The following NMNAT3 variants were observed in gnomAD, a reference collection of about 807,000 sequenced individuals.
The protein encoded by NMNAT3 is nicotinamide/nicotinic acid mononucleotide adenylyltransferase 3.
A neutral mutation model predicts 24.8 loss-of-function variants in NMNAT3; 21 were observed. The observed-to-expected ratio is 0.85, with a 90% CI of 0.60 to 1.22. The LOEUF is 1.22. Ranked by LOEUF, NMNAT3 falls within the 50% of genes most tolerant of loss-of-function variation. The pLI, the probability that NMNAT3 is intolerant of heterozygous loss-of-function variation, is 0.00. For missense variants in NMNAT3, 387 were observed against 436.6 expected (o/e 0.89, Z 1.01); for synonymous variants, 136 against 155.2 (o/e 0.88, Z 0.92).
chr3:139,569,365 G>A (rs1057439951), intron 6 of NMNAT3: 9 of 152,184 alleles, frequency 5.9e-5, no homozygotes, highest in African/African-American at 2.2e-4. Flanking sequence ...ATTGTTATGT[G>A]TGAATTTGAT....
chr3:139,579,076 G>C (rs369545555), intron 4 of NMNAT3, 21 bp from the exon 5 acceptor site: 46 of 1,604,926 alleles, frequency 2.9e-5, no homozygotes, highest in Non-Finnish European at 3.8e-5. Flanking sequence ...GAGAGCAGTG[G>C]TGTTGCACAT....
chr3:139,613,813 T>G (rs1576648310), intron 3 of NMNAT3, among the ~76,000 whole-genome samples: 3 of 152,014 alleles, frequency 2.0e-5, no homozygotes, highest in Admixed American at 6.6e-5. Flanking sequence ...CCATAAAAAA[T>G]GATGAGTTCA....
At chr3:139,642,548 C>T (rs1482758929) in intron 1 of NMNAT3, among the ~76,000 whole-genome samples, 1 of 152,192 alleles carries the variant, frequency 6.6e-6, no homozygotes, top group African/African-American at 2.4e-5. Context: ...TTCAGAAACA[C>T]TTTTGAATGA....
intron 6 of NMNAT3, among the ~76,000 whole-genome samples, chr3:139,562,304 T>C (rs1936519774): frequency 6.6e-6 from 1 of 152,134 alleles, no homozygotes; most frequent in African/African-American, 2.4e-5. Context: ...CTGGTGGAAA[T>C]CTGTACCTGC....
At chr3:139,567,874 T>G (rs1182230251) in intron 6 of NMNAT3, 4 of 152,160 alleles carry the variant, frequency 2.6e-5, no homozygotes, top group African/African-American at 9.7e-5. Context: ...TTAGGGAGGA[T>G]TCCCTCTTTT....
intron 1 of NMNAT3, among the ~76,000 whole-genome samples, chr3:139,645,411 T>A (rs868816694): frequency 6.6e-6 from 1 of 152,160 alleles, no homozygotes; most frequent in South Asian, 2.1e-4. Context: ...TTGTCTCTCA[T>A]AAAATGAAGA....
At chr3:139,564,554 C>A (rs1483416385) in intron 6 of NMNAT3, among the ~76,000 whole-genome samples, 2 of 152,170 alleles carry the variant, frequency 1.3e-5, no homozygotes, top group African/African-American at 2.4e-5. Context: ...GTGTCACACC[C>A]AAGCAGCCCA....
At chr3:139,575,454 C>G (rs1939155768) in intron 5 of NMNAT3, 1 of 273,148 alleles carries the variant, frequency 3.7e-6, no homozygotes, top group Non-Finnish European at 5.6e-6. Flanking sequence ...TCTCCATGTC[C>G]TTATATATAA....
At chr3:139,596,453 C>T (rs932539979) in intron 3 of NMNAT3, among the ~76,000 whole-genome samples, 1 of 151,916 alleles carries the variant, frequency 6.6e-6, no homozygotes, top group Admixed American at 6.6e-5. Flanking sequence ...ACTTAAGTGA[C>T]TATGTTGTTT....
At position 139,596,924 on chromosome 3, in the gene NMNAT3, A is replaced by ATG. The variant is rs1559890738; in HGVS notation, c.110-13717_110-13716insCA. 2.7e-3 allele frequency among the ~76,000 whole-genome samples: 46 copies of ATG among 16,954 alleles called. 1 individual carries two copies. The highest frequency in any genetic ancestry group is 5.4e-3 in the Non-Finnish European group (40 of 7,392). 11.1% of individuals were successfully genotyped at this position (16,954 alleles called of 152,430 possible). A position where few individuals can be genotyped will look rare whatever the true frequency, so the allele number is the denominator to read the frequency against. On this transcript the variant is annotated intron_variant, in intron 3 of 6. Coordinates refer to ENST00000643695, the MANE Select transcript of NMNAT3 (RefSeq NM_001320510.2). ...ATATTTTTGTCATGTGTGTATATAT[A>ATG]TATATATATATATATATATATATAT...
intron 1 of NMNAT3, among the ~76,000 whole-genome samples, chr3:139,647,965 T>C (rs1323519848): frequency 6.6e-6 from 1 of 152,214 alleles, no homozygotes; most frequent in Non-Finnish European, 1.5e-5. Context: ...GGTTCTTTGA[T>C]GATATTTGGC....
At chr3:139,634,294 G>C (rs558870256) in intron 2 of NMNAT3, 1 of 152,364 alleles carries the variant, frequency 6.6e-6, no homozygotes, top group South Asian at 2.1e-4. Context: ...CCAGGCCCGG[G>C]AAAGTGGCTG....
chr3:139,609,588 A>G (rs1319060291), intron 3 of NMNAT3: 1 of 120,912 alleles, frequency 8.3e-6, no homozygotes, highest in East Asian at 2.5e-4. Context: ...GTGTTTTGTT[A>G]AATTTTTAAA....
At chr3:139,603,457 CT>C (rs2054802224) in intron 3 of NMNAT3, among the ~76,000 whole-genome samples, 1 of 152,190 alleles carries the variant, frequency 6.6e-6, no homozygotes, top group African/African-American at 2.4e-5. Context: ...CAACTTCCTG[CT>C]TCTGAAATTC....
chr3:139,603,964 C>T (rs1457972060), intron 3 of NMNAT3, among the ~76,000 whole-genome samples: 2 of 152,132 alleles, frequency 1.3e-5, no homozygotes, highest in East Asian at 3.8e-4. Flanking sequence ...CATATGTTCC[C>T]CTAGTTACTA....
At chr3:139,619,593 G>C (rs982228507) in intron 3 of NMNAT3, among the ~76,000 whole-genome samples, 4 of 152,100 alleles carry the variant, frequency 2.6e-5, no homozygotes, top group African/African-American at 9.7e-5. Flanking sequence ...ACAGTGTGTA[G>C]GTAGACCTGT....
intron 4 of NMNAT3, among the ~76,000 whole-genome samples, chr3:139,579,338 TCCCATA>T (rs1251833066): frequency 4.6e-5 from 7 of 152,088 alleles, no homozygotes; most frequent in Middle Eastern, 3.4e-3. Flanking sequence ...CAGGCAAGGG[TCCCATA>T]CAGCAGTGAG....
chr3:139,601,268 G>T (rs2054701432), intron 3 of NMNAT3, among the ~76,000 whole-genome samples: 1 of 152,202 alleles, frequency 6.6e-6, no homozygotes, highest in East Asian at 1.9e-4. Flanking sequence ...GCCAGGCTTT[G>T]CAGTAACAGG....
intron 3 of NMNAT3, among the ~76,000 whole-genome samples, chr3:139,594,695 G>A (rs918076452): frequency 6.6e-6 from 1 of 152,142 alleles, no homozygotes; most frequent in Non-Finnish European, 1.5e-5. Context: ...CATATAAACA[G>A]AACCAAAGAC....
Sources: gnomAD v4.1 joint callset for allele counts (sites outside exome capture counted in the v4.1 genomes callset) on GRCh38, gnomAD v4.1.1 for gene constraint, MANE v1.5 for transcripts, NCBI Gene and HGNC (gene_info 2026-07-23, HGNC 2026-07-21) for gene names.